Variants in PAM observed in about 807,000 individuals in gnomAD.
PAM encodes the protein peptidylglycine alpha-amidating monooxygenase, also known as peptidyl-glycine alpha-amidating monooxygenase.
PAM carries 72 observed loss-of-function variants against 122.1 expected under a neutral mutation model. The ratio of observed to expected loss-of-function variants is 0.59; its 90% CI spans 0.49 to 0.72. The LOEUF (loss-of-function observed/expected upper bound fraction) is 0.72, where lower values mean the gene tolerates loss of function less well. Ranked by LOEUF, PAM falls within the 30% of genes least tolerant of loss-of-function variation. The pLI is 0.00. For synonymous variants in PAM, 389 were observed against 404.4 expected, an observed-to-expected ratio of 0.96 and a Z score of 0.46; for missense variants, 1,106 against 1,183.7, an observed-to-expected ratio of 0.93 and a Z score of 0.96.
Position 103,006,833 on chromosome 5 carries a change from C to T in PAM, c.1836C>T (p.Gly612=). The T allele has an allele frequency of 4.3e-6, 7 of 1,613,496 alleles. No homozygotes were observed. The highest frequency in any genetic ancestry group is 5.9e-6 in the Non-Finnish European group (7 of 1,179,546). Residue 612 remains glycine (G), a synonymous_variant, in exon 19 of 26, where the codon GGC becomes GGT. Coordinates refer to ENST00000438793, the MANE Select transcript of PAM (RefSeq NM_001177306.2). ...VFKLDPNNKE[G]PVLILGRSMQ... Reference sequence around the variant, plus strand: ...AACTGGATCCAAACAATAAAGAAGGCCCTGTATTAATCCTGGGAAGGAGCA... The same window carrying T: ...AACTGGATCCAAACAATAAAGAAGGTCCTGTATTAATCCTGGGAAGGAGCA...
At chr5:103,016,000 T>C (rs1781872949) in intron 21 of PAM, among the ~76,000 whole-genome samples, 1 of 152,160 alleles carries the variant, frequency 6.6e-6, no homozygotes, top group Non-Finnish European at 1.5e-5. Flanking sequence ...CATATTACGG[T>C]ATAGAACAGG....
At chr5:102,916,292 T>C (rs1353946866) in intron 5 of PAM, among the ~76,000 whole-genome samples, 1 of 152,140 alleles carries the variant, frequency 6.6e-6, no homozygotes, top group Non-Finnish European at 1.5e-5. Flanking sequence ...TGTGTACTGC[T>C]TGACTCACCT....
chr5:103,027,934 T>G (rs1410377219), intron 24 of PAM, among the ~76,000 whole-genome samples: 1 of 152,182 alleles, frequency 6.6e-6, no homozygotes, highest in African/African-American at 2.4e-5. Context: ...AGGAGAAAAC[T>G]GAAGCTCAGA....
intron 1 of PAM, among the ~76,000 whole-genome samples, chr5:102,822,746 A>G (rs745415098): frequency 2.0e-5 from 3 of 152,164 alleles, no homozygotes; most frequent in Non-Finnish European, 4.4e-5. Context: ...ATACCCTTAG[A>G]AAGAGCAATT....
intron 14 of PAM, among the ~76,000 whole-genome samples, chr5:102,966,802 T>G (rs907515805): frequency 6.6e-6 from 1 of 152,106 alleles, no homozygotes; most frequent in African/African-American, 2.4e-5. Context: ...CTATTTACTC[T>G]CCTTATATTA....
At chr5:103,012,065 G>C (rs1780785990) in intron 21 of PAM, among the ~76,000 whole-genome samples, 1 of 152,112 alleles carries the variant, frequency 6.6e-6, no homozygotes, top group South Asian at 2.1e-4. Flanking sequence ...GTCTTCTTTT[G>C]AAAAATGTCT....
chr5:102,831,388 A>G (rs991951044), intron 1 of PAM, among the ~76,000 whole-genome samples: 2 of 152,096 alleles, frequency 1.3e-5, no homozygotes, highest in Admixed American at 6.5e-5. Flanking sequence ...GTAGCTTCAT[A>G]TGCATATCTT....
intron 1 of PAM, among the ~76,000 whole-genome samples, chr5:102,783,467 A>C (rs1443668997): frequency 6.6e-6 from 1 of 152,168 alleles, no homozygotes; most frequent in Non-Finnish European, 1.5e-5. Flanking sequence ...TTCAATACCA[A>C]CACCAGTATT....
At chr5:102,809,561 A>G (rs1767303050) in intron 1 of PAM, among the ~76,000 whole-genome samples, 2 of 152,224 alleles carry the variant, frequency 1.3e-5, no homozygotes, top group South Asian at 2.1e-4. Context: ...CGTTGCTGAC[A>G]GGTGGGTAAA....
chr5:102,931,253 T>G (rs755832924), intron 7 of PAM, among the ~76,000 whole-genome samples: 1 of 152,344 alleles, frequency 6.6e-6, no homozygotes, highest in East Asian at 1.9e-4. Flanking sequence ...AGAACTGTTT[T>G]GAGTGTGTCA....
At chr5:102,983,976 C>T (rs774350942) in intron 15 of PAM, among the ~76,000 whole-genome samples, 11 of 152,256 alleles carry the variant, frequency 7.2e-5, no homozygotes, top group Middle Eastern at 3.4e-3. Context: ...GGAATTCATT[C>T]GCATTAGAAC....
rs184907303 is a variant in PAM, at chr5:102,796,407, T to C, written c.-374+41059T>C. Among the ~76,000 whole-genome samples the C allele has an allele frequency of 4.6e-5, 7 of 152,268 alleles. No homozygotes were observed. In the East Asian group the frequency reaches 1.4e-3, roughly 29 times the overall value. On this transcript the variant is annotated intron_variant, in intron 1 of 25. Transcript: ENST00000438793. ...TCATCCCAGAGTTTGGGCAATGAGA[T>C]TGGATATTTGCAGTTCCACACAGTG...
intron 18 of PAM, among the ~76,000 whole-genome samples, chr5:103,006,108 T>A (rs565672698): frequency 5.1e-4 from 77 of 152,238 alleles, no homozygotes; most frequent in African/African-American, 1.7e-3. Context: ...CTAATTTTTT[T>A]AAATTTTTTG....
At chr5:102,881,383 A>T (rs1045600170) in intron 3 of PAM, among the ~76,000 whole-genome samples, 1 of 151,880 alleles carries the variant, frequency 6.6e-6, no homozygotes, top group African/African-American at 2.4e-5. Flanking sequence ...ATTTTTTTTT[A>T]CCCATTAATT....
At chr5:102,914,820 T>C (rs1802608192) in intron 5 of PAM, among the ~76,000 whole-genome samples, 1 of 152,112 alleles carries the variant, frequency 6.6e-6, no homozygotes, top group Admixed American at 6.6e-5. Flanking sequence ...CACTGCCTTC[T>C]ATTTATTCAA....
At chr5:102,901,269 C>G in intron 3 of PAM, 87 bp from the exon 4 acceptor site, 1 of 749,334 alleles carries the variant, frequency 1.3e-6, no homozygotes, top group South Asian at 1.6e-5. Context: ...CTACTTTTTA[C>G]AGTCATAGAA....
chr5:103,003,231 T>G, intron 17 of PAM, 82 bp downstream of exon 17: 1 of 674,818 alleles, frequency 1.5e-6, no homozygotes, highest in South Asian at 1.9e-5. Context: ...GAAATTCGAG[T>G]GTTTTGTATA....
chr5:102,803,812 A>C (rs1468170779), intron 1 of PAM, among the ~76,000 whole-genome samples: 2 of 152,220 alleles, frequency 1.3e-5, no homozygotes, highest in Admixed American at 6.5e-5. Flanking sequence ...TATGTATAGA[A>C]TAAGAGGTGA....
At chr5:102,779,916 T>TACACACAC (rs1328714158) in intron 1 of PAM, among the ~76,000 whole-genome samples, 11 of 65,880 alleles carry the variant, frequency 1.7e-4, no homozygotes, top group African/African-American at 8.5e-4. Flanking sequence ...TATATATATA[T>TACACACAC]ATACACACAT....
Sources: gnomAD v4.1 joint callset for allele counts (sites outside exome capture counted in the v4.1 genomes callset) on GRCh38, gnomAD v4.1.1 for gene constraint, MANE v1.5 for transcripts, NCBI Gene and HGNC (gene_info 2026-07-23, HGNC 2026-07-21) for gene names.